CMTM7: variants seen among roughly 807,000 people sequenced by gnomAD.
CMTM7 encodes CKLF-like MARVEL transmembrane domain-containing protein 7.
A neutral mutation model predicts 19.3 loss-of-function variants in CMTM7; 7 were observed. The ratio of observed to expected loss-of-function variants is 0.36; its 90% confidence interval spans 0.21 to 0.68. CMTM7 has a LOEUF of 0.68. CMTM7 is among the 30% of genes least tolerant of loss of function. The probability of loss-of-function intolerance (pLI) is 0.60; values close to 1 mark genes in which losing one functional copy is unlikely to be tolerated. For missense variants in CMTM7, 193 were observed against 232.6 expected, an observed-to-expected ratio of 0.83 and a Z score of 1.11; for synonymous variants, 87 against 99.3, an observed-to-expected ratio of 0.88 and a Z score of 0.74.
chr3:32,401,871 A>T (rs2125620208), intron 1 of CMTM7, among the ~76,000 whole-genome samples: 1 of 152,284 alleles, frequency 6.6e-6, no homozygotes, highest in Admixed American at 6.5e-5. Flanking sequence ...CGGAGCGGAA[A>T]GGGGGCTGGG....
At chr3:32,414,328 A>C (rs1227601944) in intron 1 of CMTM7, among the ~76,000 whole-genome samples, 1 of 152,236 alleles carries the variant, frequency 6.6e-6, no homozygotes, top group Non-Finnish European at 1.5e-5. Context: ...GTATTTCAGC[A>C]CTGCGTTCAC....
intron 1 of CMTM7, among the ~76,000 whole-genome samples, chr3:32,424,384 G>A (rs776530123): frequency 4.6e-5 from 7 of 152,170 alleles, no homozygotes; most frequent in Non-Finnish European, 8.8e-5. Flanking sequence ...GGCCACCAAG[G>A]CCTGCCCAGC....
At chr3:32,439,089 G>A (rs1369687347) in intron 1 of CMTM7, among the ~76,000 whole-genome samples, 1 of 152,188 alleles carries the variant, frequency 6.6e-6, no homozygotes, top group Non-Finnish European at 1.5e-5. Context: ...TAAGACTAAC[G>A]TAGCAGCAAA....
chr3:32,394,120 C>T (rs1695880612), intron 1 of CMTM7, among the ~76,000 whole-genome samples: 1 of 152,192 alleles, frequency 6.6e-6, no homozygotes, highest in African/African-American at 2.4e-5. Context: ...GCAAAGTTGC[C>T]CTTGCAGGAT....
intron 1 of CMTM7, among the ~76,000 whole-genome samples, chr3:32,433,084 TGAAAGA>T (rs1417589587): frequency 6.6e-6 from 1 of 152,244 alleles, no homozygotes; most frequent in African/African-American, 2.4e-5. Flanking sequence ...CGTCAGACAC[TGAAAGA>T]GAAACAAGCT....
At chr3:32,450,555 G>A (rs985044328) in intron 3 of CMTM7, among the ~76,000 whole-genome samples, 2 of 152,204 alleles carry the variant, frequency 1.3e-5, no homozygotes, top group African/African-American at 2.4e-5. Flanking sequence ...GGTCAGCATG[G>A]GGGCAGAAGG....
chr3:32,446,978 G>A (rs1050601940), intron 2 of CMTM7, among the ~76,000 whole-genome samples: 36 of 152,044 alleles, frequency 2.4e-4, no homozygotes, highest in African/African-American at 7.7e-4. Flanking sequence ...TTAAAACAAC[G>A]CAAAACAGAC....
intron 1 of CMTM7, among the ~76,000 whole-genome samples, chr3:32,396,627 G>A (rs347136): frequency 0.71 from 107,450 of 151,994 alleles, 38,342 homozygotes; most frequent in Non-Finnish European, 0.75. Flanking sequence ...AATTATGTAA[G>A]TAGACCTGTG....
At chr3:32,421,511 T>G (rs1696343379) in intron 1 of CMTM7, among the ~76,000 whole-genome samples, 2 of 152,166 alleles carry the variant, frequency 1.3e-5, no homozygotes, top group African/African-American at 4.8e-5. Flanking sequence ...TTTTGTGGAG[T>G]CCACACCAGG....
intron 1 of CMTM7, among the ~76,000 whole-genome samples, chr3:32,436,056 C>T (rs1418531913): frequency 6.6e-6 from 1 of 152,234 alleles, no homozygotes; most frequent in African/African-American, 2.4e-5. Context: ...TGTGCAGTTA[C>T]ATTCAGAAAC....
intron 2 of CMTM7, among the ~76,000 whole-genome samples, chr3:32,447,650 ACG>A (rs1254526462): frequency 3.3e-5 from 5 of 152,160 alleles, no homozygotes; most frequent in Admixed American, 6.5e-5. Context: ...TATCTTACTT[ACG>A]GATTCAGCTT....
intron 1 of CMTM7, among the ~76,000 whole-genome samples, chr3:32,432,575 C>T (rs564069350): frequency 6.6e-6 from 1 of 152,322 alleles, no homozygotes; most frequent in East Asian, 1.9e-4. Flanking sequence ...CTGCCTGGGT[C>T]CCAGCTCTGG....
rs1343795223 is a variant in CMTM7, at chr3:32,416,368, T to C, written c.159+24303T>C. Among the ~76,000 whole-genome samples, 39 of 68,762 alleles carry C rather than the reference T, an allele frequency of 5.7e-4. 2 individuals carry two copies. The highest frequency in any genetic ancestry group is 9.0e-4 in the East Asian group (2 of 2,234). The allele number at this position is 68,762 out of a possible 152,430, so 45.1% of individuals were successfully genotyped here. On this transcript the variant is annotated intron_variant, in intron 1 of 4. Transcript: ENST00000334983. ...GCGCCACCATCCGGGCTAATTTTTTTTTTTTTTTTTTTTTTTTTTTTTTTT... is the reference window on the plus strand; with the variant it reads ...GCGCCACCATCCGGGCTAATTTTTTCTTTTTTTTTTTTTTTTTTTTTTTTT...
At chr3:32,439,805 T>C (rs551472391) in intron 1 of CMTM7, among the ~76,000 whole-genome samples, 1 of 152,340 alleles carries the variant, frequency 6.6e-6, no homozygotes, top group Non-Finnish European at 1.5e-5. Flanking sequence ...TGACATTTTC[T>C]ATAGCAGAAT....
chr3:32,415,942 A>G (rs539120271), intron 1 of CMTM7, among the ~76,000 whole-genome samples: 15 of 152,250 alleles, frequency 9.9e-5, no homozygotes, highest in African/African-American at 3.4e-4. Context: ...CAGACGTTTC[A>G]TTTTGTATTT....
At chr3:32,441,735 C>G in intron 1 of CMTM7, 105 bp from the exon 2 acceptor site, 1 of 962,264 alleles carries the variant, frequency 1.0e-6, no homozygotes. Context: ...AATAGCAGTT[C>G]TTCAATGTGG....
At chr3:32,450,102 T>C (rs759886514) in intron 3 of CMTM7, among the ~76,000 whole-genome samples, 1 of 152,214 alleles carries the variant, frequency 6.6e-6, no homozygotes, top group Non-Finnish European at 1.5e-5. Flanking sequence ...GTGAGATATA[T>C]ACATACATAT....
chr3:32,432,516 C>T (rs772722627), intron 1 of CMTM7, among the ~76,000 whole-genome samples: 10 of 152,322 alleles, frequency 6.6e-5, no homozygotes, highest in South Asian at 2.1e-4. Flanking sequence ...GACATCATTG[C>T]TATGGCAACA....
At chr3:32,430,566 C>T (rs1292128822) in intron 1 of CMTM7, among the ~76,000 whole-genome samples, 1 of 152,136 alleles carries the variant, frequency 6.6e-6, no homozygotes, top group Non-Finnish European at 1.5e-5. Context: ...CACTTAAGGT[C>T]AGACTGTACA....
Sources: allele counts gnomAD v4.1 joint callset (sites outside exome capture counted in the v4.1 genomes callset), GRCh38; gene constraint gnomAD v4.1.1; transcripts MANE v1.5; gene names NCBI Gene and HGNC (gene_info 2026-07-23, HGNC 2026-07-21).